TTC21B: variants seen among roughly 807,000 people sequenced by gnomAD.
TTC21B encodes the protein tetratricopeptide repeat domain 21B, also known as tetratricopeptide repeat protein 21B.
TTC21B carries 127 observed loss-of-function variants against 175.1 expected under a neutral mutation model. The ratio of observed to expected loss-of-function variants is 0.73; its 90% CI spans 0.63 to 0.84. The LOEUF is 0.84. TTC21B is among the 40% of genes least tolerant of loss of function. The pLI is 0.00. For synonymous variants in TTC21B, 524 were observed against 524.5 expected, an observed-to-expected ratio of 1.00 and a Z score of 0.01; for missense variants, 1,561 against 1,558.3, an observed-to-expected ratio of 1.00 and a Z score of -0.03.
chr2:165,884,065 G>A (rs1328675158), intron 25 of TTC21B, 47 bp from the exon 26 acceptor site: 1 of 1,485,746 alleles, frequency 6.7e-7, no homozygotes, highest in South Asian at 1.1e-5. Flanking sequence ...AAACATAAAT[G>A]CCCCAAAAAC....
intron 11 of TTC21B, among the ~76,000 whole-genome samples, chr2:165,926,877 T>G (rs569368676): frequency 6.6e-6 from 1 of 151,170 alleles, no homozygotes; most frequent in East Asian, 2.0e-4. Context: ...GGACTCGGAC[T>G]GGCTTCTTTG....
At chr2:165,886,530 T>G (rs2105287345) in intron 25 of TTC21B, among the ~76,000 whole-genome samples, 1 of 152,304 alleles carries the variant, frequency 6.6e-6, no homozygotes, top group African/African-American at 2.4e-5. Context: ...TTGATGCTTA[T>G]GAAACTTCAG....
At chr2:165,916,256 T>C (rs1055220447) in intron 14 of TTC21B, among the ~76,000 whole-genome samples, 2 of 152,178 alleles carry the variant, frequency 1.3e-5, no homozygotes, top group African/African-American at 4.8e-5. Flanking sequence ...GAGTGAGACC[T>C]TATCACTAAA....
intron 8 of TTC21B, 22 bp from the exon 9 acceptor site, chr2:165,930,386 G>C (rs764252666): frequency 1.3e-6 from 2 of 1,560,242 alleles, no homozygotes; most frequent in Non-Finnish European, 1.8e-6. Flanking sequence ...AAAAAATGAT[G>C]TAAGATTTCA....
rs116767575 is a variant in TTC21B at position 165,875,416 on chromosome 2, A to T, written c.3874-584T>A. ...AAGTATTTACTGTAATGATGCTAAC[A>T]GATTGCTGTGTGGGATAAGGGGCAT... On this transcript the variant is annotated intron_variant, in intron 28 of 28. Transcript: ENST00000243344. Among the ~76,000 whole-genome samples, 144 of 152,246 alleles carry T rather than the reference A, an allele frequency of 9.5e-4. 1 individual carries two copies. Among genetic ancestry groups the T allele is most frequent in the African/African-American group, 3.4e-3 (140 of 41,562 alleles).
intron 6 of TTC21B, among the ~76,000 whole-genome samples, chr2:165,935,049 TG>T (rs1435451387): frequency 6.6e-6 from 1 of 152,150 alleles, no homozygotes; most frequent in Non-Finnish European, 1.5e-5. Context: ...TTATGAAAAG[TG>T]GAATGACTTC....
intron 27 of TTC21B, 93 bp downstream of exon 27, chr2:165,880,586 T>C: frequency 7.2e-7 from 1 of 1,382,468 alleles, no homozygotes; most frequent in Non-Finnish European, 1.0e-6. Flanking sequence ...TCAATGTTTA[T>C]TTTGTTTTGA....
Position 165,930,260 on chromosome 2 carries a change from T to G in TTC21B, c.999A>C (p.Gln333His). The G allele has an allele frequency of 6.2e-7, 1 of 1,613,312 alleles. No homozygotes were observed. Among genetic ancestry groups the G allele is most frequent in the Non-Finnish European group, 8.5e-7 (1 of 1,179,474 alleles). The change falls in exon 9 of 29, where the codon CAA (glutamine) becomes CAC (histidine). Residue 333 changes from glutamine (Q) to histidine (H), a missense_variant. Gln to His is a conservative substitution (Grantham distance 24). Transcript: ENST00000243344. ...QSEFATELGY[Q>H]MILQGRVKEA... Reference sequence around the variant, plus strand: ...CTTTAACTCTTCCTTGTAAAATCATTTGGTATCCAAGTTCTGTAGCAAATT... The same window carrying G: ...CTTTAACTCTTCCTTGTAAAATCATGTGGTATCCAAGTTCTGTAGCAAATT...
intron 5 of TTC21B, among the ~76,000 whole-genome samples, chr2:165,942,642 C>T (rs1252340389): frequency 6.6e-6 from 1 of 152,144 alleles, no homozygotes; most frequent in Non-Finnish European, 1.5e-5. Flanking sequence ...GGTACCTGAA[C>T]TCATCATCTC....
intron 10 of TTC21B, 59 bp downstream of exon 10, chr2:165,929,591 A>G: frequency 8.0e-7 from 1 of 1,245,168 alleles, no homozygotes; most frequent in Non-Finnish European, 1.2e-6. Context: ...AGACTGATTA[A>G]TAATTTCATA....
chr2:165,921,902 T>G (rs1190591098), intron 12 of TTC21B, among the ~76,000 whole-genome samples: 1 of 151,856 alleles, frequency 6.6e-6, no homozygotes, highest in Non-Finnish European at 1.5e-5. Context: ...AGTGGTGATT[T>G]CTGAAATTCT....
rs2105313877 is a variant in TTC21B at position 165,907,797 on chromosome 2, G to A, written c.2462-13C>T. 1.3e-6 allele frequency: 2 copies of A among 1,527,196 alleles called. No homozygotes were observed. Among genetic ancestry groups the A allele is most frequent in the Non-Finnish European group, 1.8e-6 (2 of 1,102,878 alleles). The allele number at this position is 1,527,196 out of a possible 1,614,324, so 94.6% of individuals were successfully genotyped here. ...GACAGTTCATTTACTATGAAAGAATGGAATGTAATGCAAAAAATTATTCAT... is the reference window on the plus strand; with the variant it reads ...GACAGTTCATTTACTATGAAAGAATAGAATGTAATGCAAAAAATTATTCAT... On this transcript the variant is annotated splice_polypyrimidine_tract_variant and intron_variant, in intron 18 of 28. Transcript: ENST00000243344.
At chr2:165,929,566 CA>C in intron 10 of TTC21B, 83 bp downstream of exon 10, 1 of 1,027,918 alleles carries the variant, frequency 9.7e-7, no homozygotes, top group East Asian at 2.6e-5. Flanking sequence ...GCTTTACAGC[CA>C]TTACAAAACA....
At position 165,874,849 on chromosome 2, in the gene TTC21B, G is replaced by A; in HGVS notation, c.3874-17C>T. The stretch of plus-strand genomic sequence containing the variant: ...TTCAAGAACCTGCAAAACAAATAAA[G>A]AACCCATAAAAACTTGTAACTAATA... On this transcript the variant is annotated splice_polypyrimidine_tract_variant and intron_variant, in intron 28 of 28. Transcript: ENST00000243344. 2 of 1,611,578 alleles carry A rather than the reference G, an allele frequency of 1.2e-6. No individual in the cohort carries two copies. The highest frequency in any genetic ancestry group is 1.7e-6 in the Non-Finnish European group (2 of 1,178,126).
intron 22 of TTC21B, among the ~76,000 whole-genome samples, 172 bp from the exon 23 acceptor site, chr2:165,891,160 A>T (rs1685178900): frequency 6.6e-6 from 1 of 152,114 alleles, no homozygotes; most frequent in South Asian, 2.1e-4. Context: ...CAACTAGATG[A>T]TCTACTAAAT....
At chr2:165,897,133 T>C (rs1260132885) in intron 22 of TTC21B, among the ~76,000 whole-genome samples, 2 of 152,224 alleles carry the variant, frequency 1.3e-5, no homozygotes, top group African/African-American at 2.4e-5. Context: ...ACAGTGTACT[T>C]TTCATTTCTT....
rs2105311803 is a variant in TTC21B at position 165,906,474 on chromosome 2, A to T, written c.2568+1204T>A. Among the ~76,000 whole-genome samples the T allele has an allele frequency of 1.3e-5, 2 of 152,206 alleles. 1 individual carries two copies. On this transcript the variant is annotated intron_variant, in intron 19 of 28. Transcript: ENST00000243344. ...GACCTTTTTCACTGCATTTGTAGAC[A>T]TTCAAAAGAAAAGATATAATAAACA... is the stretch of plus-strand genomic sequence containing the variant.
At chr2:165,927,167 A>G (rs1397075970) in intron 11 of TTC21B, among the ~76,000 whole-genome samples, 1 of 29,588 alleles carries the variant, frequency 3.4e-5, no homozygotes, top group African/African-American at 8.7e-5. Context: ...TATATATCCT[A>G]ACAGTTATAT....
intron 11 of TTC21B, 21 bp from the exon 12 acceptor site, chr2:165,924,699 G>C (rs374025697): frequency 1.6e-5 from 25 of 1,610,180 alleles, no homozygotes; most frequent in African/African-American, 4.0e-5. Context: ...CAAATCAGCA[G>C]ATCATTTTAT....
Sources: gnomAD v4.1 joint callset for allele counts (sites outside exome capture counted in the v4.1 genomes callset) on GRCh38, gnomAD v4.1.1 for gene constraint, MANE v1.5 for transcripts, NCBI Gene and HGNC (gene_info 2026-07-23, HGNC 2026-07-21) for gene names.